Variants in LIPA observed in about 807,000 individuals in gnomAD.
LIPA encodes lipase A, lysosomal acid type, also known as lysosomal acid lipase/cholesteryl ester hydrolase.
In LIPA, 26 loss-of-function variants were observed where a neutral mutation model predicts 40.6. The observed-to-expected ratio is 0.64, with a 90% CI of 0.47 to 0.89. The LOEUF (loss-of-function observed/expected upper bound fraction) is 0.89, where lower values mean the gene tolerates loss of function less well. Among genes scored for constraint, LIPA ranks in the 40% least tolerant of loss-of-function variants. LIPA has a pLI of 0.00. For synonymous variants in LIPA, 188 were observed against 168.4 expected (o/e 1.12, Z -0.90); for missense variants, 455 against 479.6 (o/e 0.95, Z 0.48).
At chr10:89,293,551 A>C (rs559153877) in intron 1 of LIPA, 2 of 152,260 alleles carry the variant, frequency 1.3e-5, no homozygotes, top group Admixed American at 6.5e-5. Context: ...TGGCTTAAGC[A>C]ACAGAAATCT....
At chr10:89,333,526 A>G (rs1420469154) in intron 1 of LIPA, among the ~76,000 whole-genome samples, 2 of 152,104 alleles carry the variant, frequency 1.3e-5, no homozygotes, top group Admixed American at 1.3e-4. Context: ...GAGGGGTGGG[A>G]AGAATGTTGA....
In LIPA at chr10:89,323,215, A is replaced by G. The variant is rs569189738; in HGVS notation, c.-2+19396T>C. Among the ~76,000 whole-genome samples the G allele has an allele frequency of 3.9e-5, 6 of 152,336 alleles. No individual in the cohort carries two copies. The East Asian group carries it at 1.2e-3, about 29-fold the overall frequency. ...CACGTGATCATCTCAATAGATACAG[A>G]AAAGGCTTTTGATAAAATTCAACAT... On this transcript the variant is annotated intron_variant, in intron 1 of 5. Coordinates refer to the LIPA transcript ENST00000282673.
intron 1 of LIPA, chr10:89,340,326 AGG>A: frequency 2.1e-6 from 1 of 478,300 alleles, no homozygotes; most frequent in Non-Finnish European, 3.7e-6. Context: ...TGGGAGGCCG[AGG>A]TGGGCGGATC....
intron 1 of LIPA, among the ~76,000 whole-genome samples, chr10:89,311,319 T>C (rs1843514107): frequency 6.6e-6 from 1 of 151,772 alleles, no homozygotes; most frequent in Admixed American, 6.6e-5. Context: ...GGTCAGGAGT[T>C]CCAGACCAGC....
chr10:89,251,114 T>A (rs760302316), intron 1 of LIPA, among the ~76,000 whole-genome samples: 3 of 152,202 alleles, frequency 2.0e-5, no homozygotes, highest in Non-Finnish European at 2.9e-5. Context: ...CGACTCCCAT[T>A]TAAGCTCTTG....
At chr10:89,399,283 G>C (rs1319743117) in intron 2 of LIPA, among the ~76,000 whole-genome samples, 1 of 152,012 alleles carries the variant, frequency 6.6e-6, no homozygotes, top group Non-Finnish European at 1.5e-5. Flanking sequence ...TCCCCTATCA[G>C]GTACAAGATT....
chr10:89,331,960 C>T (rs12255221), intron 1 of LIPA, among the ~76,000 whole-genome samples: 3,223 of 151,718 alleles, frequency 0.021, 52 homozygotes, highest in Middle Eastern at 0.059. Flanking sequence ...AGGCCGGGCA[C>T]GGTGGTGCAA....
chr10:89,292,725 C>T (rs1344600902), intron 1 of LIPA, among the ~76,000 whole-genome samples: 1 of 152,006 alleles, frequency 6.6e-6, no homozygotes, highest in East Asian at 1.9e-4. Flanking sequence ...ATGGTGCAAT[C>T]TTGGTTCACT....
chr10:89,403,461 G>A (rs758970620), intron 2 of LIPA: 34 of 1,613,308 alleles, frequency 2.1e-5, no homozygotes, highest in Middle Eastern at 1.6e-4. Flanking sequence ...GAAATCTGAC[G>A]TCAATGCAAT....
rs578154457 is a variant in LIPA, at chr10:89,334,478, C to CTTTTTTTTTTTTTTTT, written c.-2+8117_-2+8132dup. 1.2e-3 allele frequency among the ~76,000 whole-genome samples: 30 copies of CTTTTTTTTTTTTTTTT among 25,334 alleles called. 4 individuals carry two copies. The highest frequency in any genetic ancestry group is 1.7e-3 in the Admixed American group (3 of 1,770). The allele number at this position is 25,334 out of a possible 152,430, so 16.6% of individuals were successfully genotyped here. Reference sequence around the variant, plus strand: ...TGTTTTTTCTTCTTTTTCTTTTATTCTTTTTTTTTTTTTTTTTTTTTTTTT... The same window carrying CTTTTTTTTTTTTTTTT: ...TGTTTTTTCTTCTTTTTCTTTTATTCTTTTTTTTTTTTTTTTTTTTTTTTTTTTTTTTTTTTTTTTT... On this transcript the variant is annotated intron_variant, in intron 1 of 5. Transcript: ENST00000282673.
At chr10:89,308,517 C>G (rs960115122) in intron 1 of LIPA, 1 of 152,152 alleles carries the variant, frequency 6.6e-6, no homozygotes, top group Non-Finnish European at 1.5e-5. Context: ...ATAAACACTT[C>G]TTTTAACTCC....
At position 89,214,423 on chromosome 10, in the gene LIPA, C is replaced by A. The variant is rs1321633346; in HGVS notation, c.*405G>T. 1 of 181,012 alleles carries A rather than the reference C, an allele frequency of 5.5e-6. No individual in the cohort carries two copies. Among genetic ancestry groups the A allele is most frequent in the Admixed American group, 5.6e-5 (1 of 17,928 alleles). 11.2% of individuals were successfully genotyped at this position (181,012 alleles called of 1,614,324 possible). On this transcript the variant is annotated 3_prime_UTR_variant, in exon 10 of 10. Transcript: ENST00000336233. Reference sequence around the variant, plus strand: ...GACATGAAAACTGCGTACTTTTATACCTCGCTTAAGTCAGTGACAGATTTA... The same window carrying A: ...GACATGAAAACTGCGTACTTTTATAACTCGCTTAAGTCAGTGACAGATTTA...
chr10:89,260,850 A>G (rs1452551035), intron 1 of LIPA, among the ~76,000 whole-genome samples: 15 of 152,150 alleles, frequency 9.9e-5, no homozygotes. Context: ...ACTAGCATGC[A>G]CTTGAAGATG....
intron 2 of LIPA, among the ~76,000 whole-genome samples, chr10:89,381,403 C>T (rs1301599694): frequency 6.6e-6 from 1 of 152,150 alleles, no homozygotes; most frequent in Non-Finnish European, 1.5e-5. Flanking sequence ...CAGCATATGT[C>T]CCACACACAC....
chr10:89,261,466 T>C (rs1379971931), intron 1 of LIPA, among the ~76,000 whole-genome samples: 1 of 151,966 alleles, frequency 6.6e-6, no homozygotes, highest in Non-Finnish European at 1.5e-5. Flanking sequence ...GATCGTGCCA[T>C]TGCACTCCAG....
intron 3 of LIPA, among the ~76,000 whole-genome samples, chr10:89,244,302 T>A (rs1392206023): frequency 6.6e-6 from 1 of 152,186 alleles, no homozygotes; most frequent in Admixed American, 6.5e-5. Context: ...AATACAATGC[T>A]CACATTAACA....
intron 1 of LIPA, among the ~76,000 whole-genome samples, chr10:89,259,835 T>C (rs1843197988): frequency 6.6e-6 from 1 of 152,186 alleles, no homozygotes; most frequent in Admixed American, 6.5e-5. Context: ...AATTGTAAAT[T>C]AGTCTACAGT....
At chr10:89,334,427 C>G (rs546030401) in intron 1 of LIPA, among the ~76,000 whole-genome samples, 2 of 150,674 alleles carry the variant, frequency 1.3e-5, no homozygotes, top group Admixed American at 1.3e-4. Flanking sequence ...TTCTACTCCC[C>G]AAGTTTCACC....
At chr10:89,362,552 C>T in intron 2 of LIPA, 2 of 300,730 alleles carry the variant, frequency 6.7e-6, no homozygotes, top group South Asian at 7.3e-5. Flanking sequence ...CATGAGTGAC[C>T]AGTATCATCA....
Sources: gnomAD v4.1 joint callset for allele counts (sites outside exome capture counted in the v4.1 genomes callset) on GRCh38, gnomAD v4.1.1 for gene constraint, MANE v1.5 for transcripts, NCBI Gene and HGNC (gene_info 2026-07-23, HGNC 2026-07-21) for gene names.